Variants in RPF2 observed in about 807,000 individuals in gnomAD.
RPF2 encodes the protein brix domain containing 1.
Under a neutral mutation model 38.9 loss-of-function variants are expected in RPF2, and 21 were observed. That is an observed-to-expected ratio of 0.54 (90% CI 0.38 to 0.78). RPF2 has a LOEUF of 0.78. Among genes scored for constraint, RPF2 ranks in the 30% least tolerant of loss-of-function variants. The pLI is 0.00. For synonymous variants in RPF2, 121 were observed against 126.2 expected, an observed-to-expected ratio of 0.96 and a Z score of 0.28; for missense variants, 314 against 358.1, an observed-to-expected ratio of 0.88 and a Z score of 0.99.
At chr6:111,006,562 T>C (rs538195306) in intron 6 of RPF2, among the ~76,000 whole-genome samples, 1 of 152,180 alleles carries the variant, frequency 6.6e-6, no homozygotes, top group Admixed American at 6.5e-5. Context: ...AAAATACTTT[T>C]TATAGGGTAT....
intron 5 of RPF2, among the ~76,000 whole-genome samples, chr6:110,998,621 TC>T (rs1771760018): frequency 3.3e-5 from 5 of 152,170 alleles, no homozygotes; most frequent in African/African-American, 1.2e-4. Context: ...CATCAGTTAA[TC>T]TGAGTCACAG....
chr6:110,984,880 G>C, intron 1 of RPF2, 126 bp from the exon 2 acceptor site: 1 of 996,282 alleles, frequency 1.0e-6, no homozygotes, highest in Non-Finnish European at 1.4e-6. Context: ...AAGAAAGTGA[G>C]ATTTTTTTTA....
At chr6:111,006,903 A>T (rs6910651) in intron 6 of RPF2, among the ~76,000 whole-genome samples, 1 of 151,920 alleles carries the variant, frequency 6.6e-6, no homozygotes, top group Admixed American at 6.6e-5. Context: ...GAGAAACCCC[A>T]TCTCTACTAA....
At chr6:110,988,951 A>T (rs771945111) in intron 2 of RPF2, 77 bp from the exon 3 acceptor site, 3 of 1,520,090 alleles carry the variant, frequency 2.0e-6, no homozygotes, top group Non-Finnish European at 8.9e-7. Flanking sequence ...TTGGAGAGTG[A>T]CTGTTATGAT....
intron 2 of RPF2, among the ~76,000 whole-genome samples, chr6:110,988,285 G>A (rs907385645): frequency 3.3e-5 from 5 of 152,004 alleles, no homozygotes; most frequent in Non-Finnish European, 5.9e-5. Context: ...TGAATAATAG[G>A]CATTTTTTAA....
intron 4 of RPF2, among the ~76,000 whole-genome samples, chr6:110,992,819 G>A (rs117099318): frequency 2.0e-5 from 3 of 152,276 alleles, no homozygotes; most frequent in Non-Finnish European, 2.9e-5. Context: ...GCTCACGCCT[G>A]TAATCCCAGC....
At chr6:110,990,575 C>A (rs1404465240) in intron 3 of RPF2, among the ~76,000 whole-genome samples, 2 of 68,856 alleles carry the variant, frequency 2.9e-5, no homozygotes, top group Admixed American at 1.2e-4. Context: ...CCCCCCCCCA[C>A]CTTTTCTTTT....
intron 1 of RPF2, chr6:110,982,349 T>A: frequency 1.7e-6 from 1 of 601,718 alleles, no homozygotes; most frequent in Admixed American, 3.0e-5. Flanking sequence ...GGATGTGGGA[T>A]TGAAGCGTTG....
intron 7 of RPF2, among the ~76,000 whole-genome samples, chr6:111,013,355 C>T (rs1349113684): frequency 1.3e-5 from 2 of 152,164 alleles, no homozygotes; most frequent in Non-Finnish European, 2.9e-5. Context: ...TGCTGTTAGA[C>T]ATATTTGCTT....
intron 8 of RPF2, among the ~76,000 whole-genome samples, chr6:111,019,987 T>C (rs1464947331): frequency 6.6e-6 from 1 of 151,314 alleles, no homozygotes; most frequent in Non-Finnish European, 1.5e-5. Context: ...CAATCTCAGC[T>C]CACTTCAGCC....
At chr6:110,989,198 ATTTCT>A in intron 3 of RPF2, 133 bp downstream of exon 3, 1 of 957,912 alleles carries the variant, frequency 1.0e-6, no homozygotes, top group Non-Finnish European at 1.4e-6. Context: ...TAATATTTTA[ATTTCT>A]TTCTTTTGGT....
At chr6:110,996,622 T>TA (rs1285427072) in intron 4 of RPF2, among the ~76,000 whole-genome samples, 1 of 152,240 alleles carries the variant, frequency 6.6e-6, no homozygotes, top group African/African-American at 2.4e-5. Flanking sequence ...TTTTATTTAT[T>TA]AACTGAATAG....
chr6:111,009,845 T>A (rs1432601250), intron 7 of RPF2, among the ~76,000 whole-genome samples: 1 of 152,050 alleles, frequency 6.6e-6, no homozygotes, highest in Non-Finnish European at 1.5e-5. Context: ...GGCTAATTTT[T>A]AAAATTTTTT....
chr6:110,989,495 G>A (rs528856914), intron 3 of RPF2, among the ~76,000 whole-genome samples: 8 of 152,128 alleles, frequency 5.3e-5, no homozygotes, highest in Admixed American at 1.3e-4. Context: ...GTTGTCGCCC[G>A]GCTGGAGTGC....
At chr6:110,988,909 C>T (rs1021605453) in intron 2 of RPF2, 119 bp from the exon 3 acceptor site, 23 of 1,265,728 alleles carry the variant, frequency 1.8e-5, no homozygotes, top group Non-Finnish European at 2.5e-5. Flanking sequence ...AGGCAGAAGC[C>T]CTCAGAATAA....
intron 8 of RPF2, among the ~76,000 whole-genome samples, chr6:111,016,692 T>C (rs1299760378): frequency 6.7e-6 from 1 of 149,454 alleles, no homozygotes; most frequent in African/African-American, 2.5e-5. Context: ...TCTTTCTTTT[T>C]TTTTTTTTTA....
Position 111,018,127 on chromosome 6 carries a change from C to T in RPF2, c.596+2271C>T, listed in dbSNP as rs573689954. On this transcript the variant is annotated intron_variant, in intron 8 of 9. Transcript: ENST00000441448. Reference sequence around the variant, plus strand: ...ACTCGGCAGGCTGAGGCAGGAGAATCAGGCAGGGAGGTTGCAGTGAGCGGA... The same window carrying T: ...ACTCGGCAGGCTGAGGCAGGAGAATTAGGCAGGGAGGTTGCAGTGAGCGGA... 2.5e-3 allele frequency among the ~76,000 whole-genome samples: 370 copies of T among 148,816 alleles called. 1 individual carries two copies. The highest frequency in any genetic ancestry group is 4.2e-3 in the South Asian group (20 of 4,744).
intron 8 of RPF2, among the ~76,000 whole-genome samples, chr6:111,018,632 A>G (rs950646553): frequency 6.7e-6 from 1 of 150,314 alleles, no homozygotes; most frequent in Non-Finnish European, 1.5e-5. Context: ...ACTGTATTAA[A>G]TCAGAGACAT....
chr6:111,005,200 A>G (rs933592719), intron 6 of RPF2, among the ~76,000 whole-genome samples: 3 of 152,200 alleles, frequency 2.0e-5, no homozygotes, highest in Non-Finnish European at 2.9e-5. Flanking sequence ...GAGAATGTCA[A>G]CAAGAGTGGT....
Sources: gnomAD v4.1 joint callset for allele counts (sites outside exome capture counted in the v4.1 genomes callset) on GRCh38, gnomAD v4.1.1 for gene constraint, MANE v1.5 for transcripts, NCBI Gene and HGNC (gene_info 2026-07-23, HGNC 2026-07-21) for gene names.